YES1: variants seen among roughly 807,000 people sequenced by gnomAD.
The protein encoded by YES1 is YES proto-oncogene 1, Src family tyrosine kinase, also known as tyrosine-protein kinase Yes.
YES1 carries 39 observed loss-of-function variants against 70.4 expected under a neutral mutation model. That is an observed-to-expected ratio of 0.55 (90% CI 0.43 to 0.72). The LOEUF is 0.72. Among genes scored for constraint, YES1 ranks in the 30% least tolerant of loss-of-function variants. The probability of loss-of-function intolerance (pLI) is 0.00; values close to 1 mark genes in which losing one functional copy is unlikely to be tolerated. For synonymous variants in YES1, 198 were observed against 218.6 expected, an observed-to-expected ratio of 0.91 and a Z score of 0.83; for missense variants, 495 against 644.8, an observed-to-expected ratio of 0.77 and a Z score of 2.52.
chr18:741,407 AT>A (rs549325912), intron 8 of YES1, among the ~76,000 whole-genome samples: 2 of 151,970 alleles, frequency 1.3e-5, no homozygotes, highest in African/African-American at 4.8e-5. Context: ...CGTCCTGCTA[AT>A]TTTTTTAGTT....
At chr18:803,253 C>A (rs532333709) in intron 1 of YES1, among the ~76,000 whole-genome samples, 74 of 152,064 alleles carry the variant, frequency 4.9e-4, no homozygotes, top group Non-Finnish European at 7.9e-4. Flanking sequence ...AAAATAAATA[C>A]CCATCTCATT....
At chr18:774,934 C>G (rs1905303625) in intron 1 of YES1, 1 of 152,394 alleles carries the variant, frequency 6.6e-6, no homozygotes, top group African/African-American at 2.4e-5. Context: ...GCTACACTGG[C>G]CTTCCTGCTC....
rs112855601 is a variant in YES1, at chr18:721,690, A to T, written c.*2734T>A. The T allele has an allele frequency of 2.1e-3, 316 of 152,352 alleles. 2 individuals carry two copies. The highest frequency in any genetic ancestry group is 7.3e-3 in the African/African-American group (304 of 41,584). The allele number at this position is 152,352 out of a possible 1,614,324, so 9.4% of individuals were successfully genotyped here. A position where few individuals can be genotyped will look rare whatever the true frequency, so the allele number is the denominator to read the frequency against. On this transcript the variant is annotated 3_prime_UTR_variant, in exon 12 of 12. Coordinates refer to ENST00000314574, the MANE Select transcript of YES1 (RefSeq NM_005433.4). ...TTCTCAATGGAAGAATAAATTCAGA[A>T]TATATCAGTTTTTAAAAAACGAATG... is the stretch of plus-strand genomic sequence containing the variant.
At chr18:777,461 A>G (rs1008952001) in intron 1 of YES1, among the ~76,000 whole-genome samples, 5 of 152,224 alleles carry the variant, frequency 3.3e-5, no homozygotes, top group African/African-American at 7.2e-5. Flanking sequence ...TATCAACTCC[A>G]TAAGTCATAT....
chr18:758,463 A>G (rs1306064120), intron 1 of YES1, among the ~76,000 whole-genome samples: 1 of 152,116 alleles, frequency 6.6e-6, no homozygotes. Context: ...TTACGCTCAC[A>G]CACACACAAA....
chr18:728,103 G>C (rs553308075), intron 11 of YES1, among the ~76,000 whole-genome samples: 187 of 152,238 alleles, frequency 1.2e-3, no homozygotes, highest in Non-Finnish European at 2.4e-3. Flanking sequence ...TGGGAGGACA[G>C]GGCAGGCAAA....
At position 768,930 on chromosome 18, in the gene YES1, T is replaced by C. The variant is rs139467999; in HGVS notation, c.-8-12095A>G. 5.1e-3 allele frequency among the ~76,000 whole-genome samples: 780 copies of C among 152,224 alleles called. 5 individuals are homozygous for C. The highest frequency in any genetic ancestry group is 0.018 in the African/African-American group (735 of 41,544). Reference sequence around the variant, plus strand: ...GTTGGCTGGGCTGGTCTTGAACTCCTGACCTCCAGTGATCCACCTGCCTCA... The same window carrying C: ...GTTGGCTGGGCTGGTCTTGAACTCCCGACCTCCAGTGATCCACCTGCCTCA... On this transcript the variant is annotated intron_variant, in intron 1 of 11. Coordinates refer to ENST00000314574, the MANE Select transcript of YES1 (RefSeq NM_005433.4).
chr18:803,178 T>C (rs1000583209), intron 1 of YES1, among the ~76,000 whole-genome samples: 3 of 152,236 alleles, frequency 2.0e-5, no homozygotes, highest in Admixed American at 2.0e-4. Flanking sequence ...GAAGTTGCAG[T>C]GAGCCAAGGT....
At chr18:812,491 C>T (rs1907467175), upstream of YES1, 1 of 152,180 alleles carries the variant, frequency 6.6e-6, no homozygotes, top group Admixed American at 6.5e-5. Context: ...CCGCGGGCTC[C>T]GGGCCGCTTT....
intron 1 of YES1, among the ~76,000 whole-genome samples, chr18:761,713 C>T (rs1470514244): frequency 6.6e-6 from 1 of 152,184 alleles, no homozygotes; most frequent in Non-Finnish European, 1.5e-5. Context: ...TTTCCAATAA[C>T]TCTAGGATAG....
At chr18:746,189 G>C in intron 4 of YES1, 138 bp from the exon 5 acceptor site, 1 of 634,018 alleles carries the variant, frequency 1.6e-6, no homozygotes, top group Non-Finnish European at 2.8e-6. Flanking sequence ...ACAGGAAAAT[G>C]TAAGAGTTTT....
chr18:794,434 G>A (rs1430140419), intron 1 of YES1, among the ~76,000 whole-genome samples: 3 of 152,166 alleles, frequency 2.0e-5, no homozygotes, highest in Non-Finnish European at 4.4e-5. Flanking sequence ...AATGCAACAT[G>A]TATTTCTAGA....
At chr18:742,098 A>G (rs937622286) in intron 8 of YES1, among the ~76,000 whole-genome samples, 4 of 152,200 alleles carry the variant, frequency 2.6e-5, no homozygotes, top group African/African-American at 9.6e-5. Flanking sequence ...ACTACTGTAT[A>G]TTATTGGTTC....
At chr18:760,083 C>T (rs1219830096) in intron 1 of YES1, among the ~76,000 whole-genome samples, 1 of 152,020 alleles carries the variant, frequency 6.6e-6, no homozygotes, top group Non-Finnish European at 1.5e-5. Context: ...TGTATATGTG[C>T]CACATTTTCT....
Position 756,794 on chromosome 18 carries a change from G to A in YES1, c.34C>T (p.Pro12Ser), listed in dbSNP as rs763236969. 2.3e-5 allele frequency: 37 copies of A among 1,613,842 alleles called. No homozygotes were observed. The highest frequency in any genetic ancestry group is 5.0e-5 in the Admixed American group (3 of 59,970). The change falls in exon 2 of 12, where the codon CCA (proline) becomes TCA (serine). Residue 12 changes from proline (P) to serine (S), a missense_variant. Pro to Ser is a moderately conservative substitution (Grantham distance 74). Coordinates refer to ENST00000314574, the MANE Select transcript of YES1 (RefSeq NM_005433.4). ...TTTTCAGGTCTGTATTTAATGGCTG[G>A]ACTTTTGTTTTCTTTACTTTTAATG... ...GCIKSKENKS[P>S]AIKYRPENTP...
intron 1 of YES1, among the ~76,000 whole-genome samples, chr18:757,395 C>T (rs921744811): frequency 6.7e-6 from 1 of 149,564 alleles, no homozygotes; most frequent in Admixed American, 6.7e-5. Flanking sequence ...CCCAGCTACT[C>T]GGGAGGCTGA....
At chr18:786,514 C>CACAG (rs982782372) in intron 1 of YES1, among the ~76,000 whole-genome samples, 1 of 151,568 alleles carries the variant, frequency 6.6e-6, no homozygotes, top group African/African-American at 2.4e-5. Context: ...CACACACACA[C>CACAG]ACACACACAC....
At chr18:771,925 A>G (rs1356440003) in intron 1 of YES1, among the ~76,000 whole-genome samples, 1 of 152,154 alleles carries the variant, frequency 6.6e-6, no homozygotes, top group African/African-American at 2.4e-5. Context: ...TGGACTGAAG[A>G]AGGGATTTTA....
intron 1 of YES1, among the ~76,000 whole-genome samples, chr18:798,865 C>T (rs1906674357): frequency 6.6e-6 from 1 of 152,116 alleles, no homozygotes; most frequent in African/African-American, 2.4e-5. Flanking sequence ...GTCTTTCCTG[C>T]TACTTTTAAT....
Sources: allele counts gnomAD v4.1 joint callset (sites outside exome capture counted in the v4.1 genomes callset), GRCh38; gene constraint gnomAD v4.1.1; transcripts MANE v1.5; gene names NCBI Gene and HGNC (gene_info 2026-07-23, HGNC 2026-07-21).